NALF1: variants seen among roughly 807,000 people sequenced by gnomAD.
The protein encoded by NALF1 is family with sequence similarity 155 member A.
A neutral mutation model predicts 48.4 loss-of-function variants in NALF1; 3 were observed. That is an observed-to-expected ratio of 0.06 (90% CI 0.03 to 0.16). The LOEUF (loss-of-function observed/expected upper bound fraction) is 0.16. NALF1 is among the 10% of genes least tolerant of loss of function. NALF1 has a pLI of 1.00. For synonymous variants in NALF1, 262 were observed against 245.7 expected, an observed-to-expected ratio of 1.07 and a Z score of -0.62; for missense variants, 526 against 571.5, an observed-to-expected ratio of 0.92 and a Z score of 0.81.
chr13:107,744,524 G>A (rs1407968994), intron 1 of NALF1, among the ~76,000 whole-genome samples: 1 of 152,306 alleles, frequency 6.6e-6, no homozygotes, highest in South Asian at 2.1e-4. Flanking sequence ...ATTATAGAAA[G>A]AGGACAAAAG....
intron 1 of NALF1, among the ~76,000 whole-genome samples, chr13:107,670,011 A>G (rs192062236): frequency 6.6e-6 from 1 of 152,176 alleles, no homozygotes; most frequent in African/African-American, 2.4e-5. Flanking sequence ...AAAATGCCAA[A>G]TAGTCACTCT....
Position 107,785,284 on chromosome 13 carries a change from C to T in NALF1, c.915+80398G>A, listed in dbSNP as rs1878039060. Among the ~76,000 whole-genome samples, 3 of 152,030 alleles carry T rather than the reference C, an allele frequency of 2.0e-5. No homozygotes were observed. The South Asian group carries it at 6.2e-4, about 32-fold the overall frequency. ...TTACTATGTGCTGATTCCACAAAACCGCTCCCCTCAGTGAGTGACTGAGAG... is the reference window on the plus strand; with the variant it reads ...TTACTATGTGCTGATTCCACAAAACTGCTCCCCTCAGTGAGTGACTGAGAG... On this transcript the variant is annotated intron_variant, in intron 1 of 2. Coordinates refer to ENST00000375915, the MANE Select transcript of NALF1 (RefSeq NM_001080396.3).
intron 1 of NALF1, among the ~76,000 whole-genome samples, chr13:107,329,339 A>T (rs1313713399): frequency 6.6e-6 from 1 of 152,130 alleles, no homozygotes; most frequent in African/African-American, 2.4e-5. Flanking sequence ...TTAATAACAA[A>T]TGTTGTGAAA....
chr13:107,282,908 G>T (rs1881416731), intron 1 of NALF1, among the ~76,000 whole-genome samples: 1 of 152,204 alleles, frequency 6.6e-6, no homozygotes, highest in Non-Finnish European at 1.5e-5. Flanking sequence ...AGTTTTGGGG[G>T]TAATTTTTAA....
intron 1 of NALF1, among the ~76,000 whole-genome samples, chr13:107,281,138 C>T (rs1160199362): frequency 2.6e-5 from 4 of 152,072 alleles, no homozygotes; most frequent in Non-Finnish European, 5.9e-5. Flanking sequence ...TCGACACATG[C>T]AAGGTACTGC....
intron 1 of NALF1, among the ~76,000 whole-genome samples, chr13:107,333,337 C>G (rs1882502458): frequency 6.6e-6 from 1 of 152,174 alleles, no homozygotes; most frequent in African/African-American, 2.4e-5. Flanking sequence ...CAGCACTCCA[C>G]TTGGGAGTCA....
intron 1 of NALF1, among the ~76,000 whole-genome samples, chr13:107,754,034 A>G (rs936067840): frequency 1.3e-5 from 2 of 152,204 alleles, no homozygotes; most frequent in Non-Finnish European, 2.9e-5. Flanking sequence ...AATGTTGGGC[A>G]GCTGAAAATA....
chr13:107,715,044 T>C (rs1875710638), intron 1 of NALF1, among the ~76,000 whole-genome samples: 1 of 152,136 alleles, frequency 6.6e-6, no homozygotes, highest in Non-Finnish European at 1.5e-5. Context: ...TATATATTTA[T>C]GGGATGAATG....
chr13:107,426,499 C>T (rs987655502), intron 1 of NALF1, among the ~76,000 whole-genome samples: 4 of 152,268 alleles, frequency 2.6e-5, no homozygotes, highest in Admixed American at 1.3e-4. Flanking sequence ...TCTGAATGCC[C>T]AGGCCCCTCC....
At chr13:107,515,988 A>G (rs1460413884) in intron 1 of NALF1, among the ~76,000 whole-genome samples, 1 of 152,216 alleles carries the variant, frequency 6.6e-6, no homozygotes, top group African/African-American at 2.4e-5. Context: ...TAGAATATAG[A>G]ATGAAAGTAG....
At chr13:107,479,398 T>C (rs950264892) in intron 1 of NALF1, among the ~76,000 whole-genome samples, 1 of 152,138 alleles carries the variant, frequency 6.6e-6, no homozygotes, top group Non-Finnish European at 1.5e-5. Flanking sequence ...CTTATATTCA[T>C]CTCCTATATT....
chr13:107,377,922 A>G (rs1883365932), intron 1 of NALF1, among the ~76,000 whole-genome samples: 3 of 152,232 alleles, frequency 2.0e-5, no homozygotes, highest in Admixed American at 2.0e-4. Flanking sequence ...CATTGTTCAC[A>G]AAGTATGCAT....
chr13:107,813,275 T>C (rs941432392), intron 1 of NALF1, among the ~76,000 whole-genome samples: 4 of 152,160 alleles, frequency 2.6e-5, no homozygotes, highest in African/African-American at 4.8e-5. Context: ...ATTAAGTTGA[T>C]AGAAAATGAC....
intron 1 of NALF1, among the ~76,000 whole-genome samples, chr13:107,835,122 T>C (rs949568451): frequency 6.6e-6 from 1 of 152,232 alleles, no homozygotes; most frequent in Non-Finnish European, 1.5e-5. Flanking sequence ...TATTTTTCTT[T>C]TGATGTAGCA....
intron 1 of NALF1, among the ~76,000 whole-genome samples, chr13:107,436,068 G>T (rs1884459506): frequency 6.6e-6 from 1 of 152,156 alleles, no homozygotes; most frequent in Admixed American, 6.6e-5. Flanking sequence ...TTCTCCGAGG[G>T]CAAGACACAC....
chr13:107,784,951 G>A (rs993649848), intron 1 of NALF1, among the ~76,000 whole-genome samples: 5 of 152,006 alleles, frequency 3.3e-5, no homozygotes, highest in South Asian at 4.1e-4. Context: ...ACTTGCACAC[G>A]TATGTTTATA....
chr13:107,400,328 T>C (rs1883782977), intron 1 of NALF1, among the ~76,000 whole-genome samples: 1 of 152,144 alleles, frequency 6.6e-6, no homozygotes, highest in Non-Finnish European at 1.5e-5. Flanking sequence ...AGGCAAATTT[T>C]AAGAATAATT....
chr13:107,445,088 T>C (rs1459417037), intron 1 of NALF1, among the ~76,000 whole-genome samples: 1 of 152,144 alleles, frequency 6.6e-6, no homozygotes, highest in African/African-American at 2.4e-5. Context: ...ATCCACAGCA[T>C]TTTCAGATTT....
chr13:107,585,484 G>A (rs1424975658), intron 1 of NALF1, among the ~76,000 whole-genome samples: 3 of 152,156 alleles, frequency 2.0e-5, no homozygotes, highest in South Asian at 4.1e-4. Context: ...GTTTTCTGAA[G>A]GTTTCATAGA....
Sources: gnomAD v4.1 joint callset for allele counts (sites outside exome capture counted in the v4.1 genomes callset) on GRCh38, gnomAD v4.1.1 for gene constraint, MANE v1.5 for transcripts, NCBI Gene and HGNC (gene_info 2026-07-23, HGNC 2026-07-21) for gene names.